SNAP91: variants seen among roughly 807,000 people sequenced by gnomAD.
The protein encoded by SNAP91 is synaptosome associated protein 91.
Under a neutral mutation model 100.3 loss-of-function variants are expected in SNAP91, and 27 were observed. The ratio of observed to expected loss-of-function variants is 0.27; its 90% CI spans 0.20 to 0.37. SNAP91 has a LOEUF of 0.37. Ranked by LOEUF, SNAP91 falls within the 10% of genes least tolerant of loss-of-function variation. SNAP91 has a pLI of 1.00. For synonymous variants in SNAP91, 404 were observed against 398.6 expected (o/e 1.01, Z -0.16); for missense variants, 986 against 1,123.7 (o/e 0.88, Z 1.75).
intron 2 of SNAP91, among the ~76,000 whole-genome samples, chr6:83,701,258 C>T (rs1292624625): frequency 6.6e-6 from 1 of 151,980 alleles, no homozygotes; most frequent in Non-Finnish European, 1.5e-5. Context: ...ATAAGAGAGA[C>T]AGAAGATGTT....
At chr6:83,599,615 A>T (rs968804746) in intron 16 of SNAP91, among the ~76,000 whole-genome samples, 18 of 152,196 alleles carry the variant, frequency 1.2e-4, no homozygotes, top group Non-Finnish European at 5.9e-5. Context: ...CAAGAGGCTT[A>T]CCTTTAGTCA....
rs918225794 is a variant in SNAP91 at position 83,580,661 on chromosome 6, T to A, written c.2150-62A>T. On this transcript the variant is annotated intron_variant, in intron 23 of 29. Transcript: ENST00000369694. ...AACAAAAAAAGATCATATGCGAAAT[T>A]AAAGTAAAACTCTCTTTTGATACTA... The A allele has an allele frequency of 4.1e-6, 6 of 1,457,582 alleles. No homozygotes were observed. In the African/African-American group the frequency reaches 8.5e-5, roughly 21 times the overall value. The allele number at this position is 1,457,582 out of a possible 1,614,324, so 90.3% of individuals were successfully genotyped here. A position where few individuals can be genotyped will look rare whatever the true frequency, so the allele number is the denominator to read the frequency against.
At chr6:83,613,941 A>T (rs891784659) in intron 11 of SNAP91, among the ~76,000 whole-genome samples, 1 of 152,244 alleles carries the variant, frequency 6.6e-6, no homozygotes, top group Non-Finnish European at 1.5e-5. Flanking sequence ...ATTTTAGAAG[A>T]AAATGAATGA....
At chr6:83,554,817 A>C (rs1775321979) in intron 29 of SNAP91, among the ~76,000 whole-genome samples, 1 of 152,180 alleles carries the variant, frequency 6.6e-6, no homozygotes, top group Admixed American at 6.6e-5. Flanking sequence ...TAATTCATGC[A>C]TCATTCATTT....
intron 2 of SNAP91, among the ~76,000 whole-genome samples, chr6:83,674,413 G>A (rs1431516202): frequency 6.6e-5 from 10 of 152,038 alleles, no homozygotes; most frequent in South Asian, 4.2e-4. Flanking sequence ...CAGCCCGGGC[G>A]ACAGAGCAAG....
At chr6:83,606,012 T>C (rs1445506862) in intron 13 of SNAP91, among the ~76,000 whole-genome samples, 7 of 152,220 alleles carry the variant, frequency 4.6e-5, no homozygotes, top group Non-Finnish European at 8.8e-5. Context: ...TTTTAGACTT[T>C]GAGGGCCAGT....
chr6:83,611,298 A>C (rs1471628685), intron 11 of SNAP91: 4 of 318,554 alleles, frequency 1.3e-5, no homozygotes, highest in Non-Finnish European at 2.5e-5. Flanking sequence ...TAGGAAAAAA[A>C]CAGCAACTTC....
At position 83,633,804 on chromosome 6, in the gene SNAP91, T is replaced by G. The variant is rs141159544; in HGVS notation, c.765+7292A>C. On this transcript the variant is annotated intron_variant, in intron 8 of 29. Coordinates refer to ENST00000369694, the MANE Select transcript of SNAP91 (RefSeq NM_001242792.2). ...CAGAATCTGCCCCAGGCTACCCAAC[T>G]CCCAGCTGCGAAGGCAAATACAGCT... Among the ~76,000 whole-genome samples the G allele has an allele frequency of 8.5e-3, 1,294 of 152,154 alleles. 15 individuals carry two copies. The highest frequency in any genetic ancestry group is 0.029 in the African/African-American group (1,201 of 41,502).
At chr6:83,659,703 A>C (rs927931989) in intron 5 of SNAP91, among the ~76,000 whole-genome samples, 1 of 151,984 alleles carries the variant, frequency 6.6e-6, no homozygotes, top group Non-Finnish European at 1.5e-5. Flanking sequence ...AAGTGCTGAG[A>C]CTATAGCCAT....
chr6:83,698,119 C>T (rs751388327), intron 2 of SNAP91, among the ~76,000 whole-genome samples: 12 of 151,858 alleles, frequency 7.9e-5, no homozygotes, highest in Non-Finnish European at 8.8e-5. Context: ...TATAGTGAAT[C>T]GAATGTTTCA....
intron 2 of SNAP91, among the ~76,000 whole-genome samples, chr6:83,682,677 C>T (rs1320290313): frequency 1.3e-5 from 2 of 151,810 alleles, no homozygotes; most frequent in African/African-American, 4.8e-5. Context: ...TGGTGTGCTG[C>T]ACCCATTAAC....
In SNAP91 at chr6:83,705,623, G is replaced by A. The variant is rs151094052; in HGVS notation, c.130+2175C>T. 4.6e-3 allele frequency among the ~76,000 whole-genome samples: 704 copies of A among 152,160 alleles called. 6 individuals carry two copies. Among genetic ancestry groups the A allele is most frequent in the African/African-American group, 0.016 (656 of 41,506 alleles). ...AGTTCAAGACCAGCCTGGCCAACAT[G>A]AAGAAACCCCATCTCTACTAAAAAA... On this transcript the variant is annotated intron_variant, in intron 2 of 29. Coordinates refer to ENST00000369694, the MANE Select transcript of SNAP91 (RefSeq NM_001242792.2).
intron 8 of SNAP91, among the ~76,000 whole-genome samples, chr6:83,635,014 T>C (rs1220264525): frequency 1.3e-5 from 2 of 152,226 alleles, no homozygotes; most frequent in African/African-American, 4.8e-5. Flanking sequence ...ATACTTGTTA[T>C]GATTTGATTT....
intron 26 of SNAP91, among the ~76,000 whole-genome samples, chr6:83,565,030 G>A (rs981415092): frequency 2.7e-5 from 4 of 150,036 alleles, no homozygotes; most frequent in East Asian, 1.9e-4. Flanking sequence ...CTAGTATCCC[G>A]AATATTTAAA....
chr6:83,617,503 A>C (rs1049544939), intron 9 of SNAP91, among the ~76,000 whole-genome samples: 4 of 152,000 alleles, frequency 2.6e-5, no homozygotes, highest in African/African-American at 9.6e-5. Context: ...CCATTTAAAT[A>C]TATTTTAAAA....
intron 2 of SNAP91, among the ~76,000 whole-genome samples, chr6:83,676,367 G>GGATACTGC (rs553129568): frequency 1.7e-4 from 26 of 152,114 alleles, no homozygotes; most frequent in Non-Finnish European, 1.5e-4. Flanking sequence ...AATAGATAGA[G>GGATACTGC]GATACTGCTT....
chr6:83,606,753 T>TA (rs975915145), intron 13 of SNAP91, among the ~76,000 whole-genome samples: 1 of 152,208 alleles, frequency 6.6e-6, no homozygotes. Flanking sequence ...TGCTGCTTTT[T>TA]AAAAAAAGTT....
intron 2 of SNAP91, among the ~76,000 whole-genome samples, chr6:83,683,676 T>C (rs1364052913): frequency 2.6e-5 from 4 of 152,232 alleles, no homozygotes; most frequent in Non-Finnish European, 5.9e-5. Context: ...TATTCCTTGA[T>C]AGTAACACAA....
At chr6:83,632,704 T>C (rs948299730) in intron 8 of SNAP91, among the ~76,000 whole-genome samples, 1 of 152,252 alleles carries the variant, frequency 6.6e-6, no homozygotes, top group African/African-American at 2.4e-5. Flanking sequence ...ATTTTGCATT[T>C]CTATAAGTGT....
Sources: allele counts gnomAD v4.1 joint callset (sites outside exome capture counted in the v4.1 genomes callset), GRCh38; gene constraint gnomAD v4.1.1; transcripts MANE v1.5; gene names NCBI Gene and HGNC (gene_info 2026-07-23, HGNC 2026-07-21).